Variants in CDC42BPA observed in about 807,000 individuals in gnomAD.
The protein encoded by CDC42BPA is CDC42 binding protein kinase alpha.
A neutral mutation model predicts 223.5 loss-of-function variants in CDC42BPA; 80 were observed. The ratio of observed to expected loss-of-function variants is 0.36; its 90% CI spans 0.30 to 0.43. CDC42BPA has a LOEUF of 0.43. Ranked by LOEUF, CDC42BPA falls within the 20% of genes least tolerant of loss-of-function variation. The pLI is 1.00. For missense variants in CDC42BPA, 1,743 were observed against 2,099.9 expected, an observed-to-expected ratio of 0.83 and a Z score of 3.32; for synonymous variants, 694 against 718.6, an observed-to-expected ratio of 0.97 and a Z score of 0.55.
chr1:227,172,060 G>C (rs1379096884), intron 5 of CDC42BPA, among the ~76,000 whole-genome samples: 2 of 152,068 alleles, frequency 1.3e-5, no homozygotes, highest in African/African-American at 4.8e-5. Context: ...CATAAAAACA[G>C]CATACTGCAT....
intron 23 of CDC42BPA, among the ~76,000 whole-genome samples, chr1:227,046,489 T>C (rs1257976248): frequency 1.3e-5 from 2 of 152,186 alleles, no homozygotes; most frequent in African/African-American, 4.8e-5. Context: ...CACTTCTTTC[T>C]CTCACCAACC....
intron 1 of CDC42BPA, among the ~76,000 whole-genome samples, chr1:227,276,564 G>A (rs528647383): frequency 6.6e-5 from 10 of 152,292 alleles, no homozygotes; most frequent in South Asian, 2.1e-4. Context: ...CCGCCGCCCC[G>A]TCTGGGAGGT....
chr1:227,180,180 T>G (rs922683253), intron 5 of CDC42BPA, among the ~76,000 whole-genome samples: 3 of 152,174 alleles, frequency 2.0e-5, no homozygotes, highest in African/African-American at 7.2e-5. Flanking sequence ...CACTCCAGCC[T>G]GGGTGACAGA....
chr1:227,197,743 T>C (rs2063665), intron 4 of CDC42BPA, among the ~76,000 whole-genome samples: 103,675 of 151,920 alleles, frequency 0.68, 35,604 homozygotes, highest in South Asian at 0.73. Context: ...CAGAATACAC[T>C]GTCATAGTGG....
chr1:227,072,219 C>T lies in CDC42BPA; in HGVS notation c.2816G>A (p.Arg939Lys), dbSNP rs1327008141. 1 of 1,596,450 alleles carries T rather than the reference C, an allele frequency of 6.3e-7. No homozygotes were observed. The highest frequency in any genetic ancestry group is 1.7e-5 in the Admixed American group (1 of 59,590). ...EQLIKDTEELRSEKGIEHQDS... is the reference protein window; with the variant it reads ...EQLIKDTEELKSEKGIEHQDS... ...ACACACTCCCATACCCTTTTCAGATCTAAGCTCTTCAGTGTCCTTTATCAG... is the reference window on the plus strand; with the variant it reads ...ACACACTCCCATACCCTTTTCAGATTTAAGCTCTTCAGTGTCCTTTATCAG... Residue 939 changes from arginine to lysine, a missense_variant, in exon 20 of 37, where the codon AGA (arginine) becomes AAA (lysine). By Grantham distance (26) the Arg-to-Lys change is conservative (BLOSUM62 2). This residue lies in a region of CDC42BPA where 678 missense variants were observed against 777.5 expected (regional missense o/e 0.87). Transcript: ENST00000366766.
chr1:227,223,165 C>G (rs1232002777), intron 2 of CDC42BPA, among the ~76,000 whole-genome samples: 1 of 150,478 alleles, frequency 6.6e-6, no homozygotes, highest in African/African-American at 2.4e-5. Context: ...CTGAGTCTTA[C>G]ACAGTGAACT....
At chr1:227,179,515 A>C (rs1667546697) in intron 5 of CDC42BPA, among the ~76,000 whole-genome samples, 1 of 151,344 alleles carries the variant, frequency 6.6e-6, no homozygotes, top group African/African-American at 2.4e-5. Flanking sequence ...GGGCACCTGT[A>C]GTCCCAGCTA....
At position 227,069,631 on chromosome 1, in the gene CDC42BPA, T is replaced by C. The variant is rs1677866550; in HGVS notation, c.2904+146A>G. 5.4e-6 allele frequency: 3 copies of C among 557,408 alleles called. No individual in the cohort carries two copies. In the East Asian group the frequency reaches 8.9e-5, roughly 16 times the overall value. The allele number at this position is 557,408 out of a possible 1,614,324, so 34.5% of individuals were successfully genotyped here. A position where few individuals can be genotyped will look rare whatever the true frequency, so the allele number is the denominator to read the frequency against. ...GTCTCCATAAGAATGCAGAACATAT[T>C]CCTCTGCTAATATGTTTTTGTTTAT... On this transcript the variant is annotated intron_variant, in intron 21 of 36. Coordinates refer to ENST00000366766, the MANE Select transcript of CDC42BPA (RefSeq NM_001394014.1).
chr1:227,250,222 C>T (rs1376536041), intron 2 of CDC42BPA, among the ~76,000 whole-genome samples: 1 of 152,060 alleles, frequency 6.6e-6, no homozygotes, highest in Non-Finnish European at 1.5e-5. Flanking sequence ...CATGGTGGCT[C>T]ACACCTGTTA....
chr1:227,203,632 A>C (rs959147338), intron 3 of CDC42BPA, among the ~76,000 whole-genome samples: 2 of 152,166 alleles, frequency 1.3e-5, no homozygotes, highest in African/African-American at 4.8e-5. Context: ...TATTAATAAC[A>C]AACATGTAGG....
At chr1:227,023,997 T>C (rs534497524) in intron 31 of CDC42BPA, among the ~76,000 whole-genome samples, 1 of 152,294 alleles carries the variant, frequency 6.6e-6, no homozygotes, top group East Asian at 1.9e-4. Flanking sequence ...GAAAGATACA[T>C]TTAACTACAT....
intron 5 of CDC42BPA, among the ~76,000 whole-genome samples, chr1:227,184,893 G>A (rs186793283): frequency 1.3e-5 from 2 of 152,204 alleles, no homozygotes; most frequent in South Asian, 2.1e-4. Flanking sequence ...ATATGCACCA[G>A]TATTATTAGC....
intron 6 of CDC42BPA, among the ~76,000 whole-genome samples, chr1:227,159,378 T>C (rs962263840): frequency 6.6e-6 from 1 of 151,870 alleles, no homozygotes; most frequent in Non-Finnish European, 1.5e-5. Context: ...CCCAACTACT[T>C]GGGAGGCTGA....
chr1:227,111,926 A>G (rs970535484), intron 14 of CDC42BPA: 1 of 159,114 alleles, frequency 6.3e-6, no homozygotes, highest in African/African-American at 2.4e-5. Flanking sequence ...GACTATGCCC[A>G]TTATCATCTT....
chr1:227,082,973 A>G (rs1681030048), intron 16 of CDC42BPA, among the ~76,000 whole-genome samples: 1 of 151,982 alleles, frequency 6.6e-6, no homozygotes, highest in Admixed American at 6.6e-5. Flanking sequence ...TGCTTTTAGA[A>G]TTTTATGTTG....
intron 1 of CDC42BPA, among the ~76,000 whole-genome samples, chr1:227,287,927 T>TA (rs1470875565): frequency 6.6e-6 from 1 of 152,186 alleles, no homozygotes; most frequent in Non-Finnish European, 1.5e-5. Flanking sequence ...TAAAATTCAT[T>TA]ACTGAGGGGA....
At chr1:227,221,225 T>G (rs1378496846) in intron 2 of CDC42BPA, among the ~76,000 whole-genome samples, 1 of 152,192 alleles carries the variant, frequency 6.6e-6, no homozygotes, top group Admixed American at 6.5e-5. Flanking sequence ...TGTTAAATAT[T>G]GTTCCCCAAG....
At chr1:227,072,381 T>C in intron 19 of CDC42BPA, 82 bp from the exon 20 acceptor site, 1 of 756,546 alleles carries the variant, frequency 1.3e-6, no homozygotes. Context: ...CCAAACTTAC[T>C]TGGTTTAAAT....
rs759283820 is a variant in CDC42BPA at position 227,092,097 on chromosome 1, C to G, written c.2250-106G>C. 1.6e-5 allele frequency: 10 copies of G among 622,472 alleles called. No homozygotes were observed. The African/African-American group carries it at 1.7e-4, about 10-fold the overall frequency. 38.6% of individuals were successfully genotyped at this position (622,472 alleles called of 1,614,324 possible). On this transcript the variant is annotated intron_variant, in intron 15 of 36. Transcript: ENST00000366766. Reference sequence around the variant, plus strand: ...ATAAAACACAAAATATCAGATTGAACTGCAGAAATGTTGTCCCCATAGAAT... The same window carrying G: ...ATAAAACACAAAATATCAGATTGAAGTGCAGAAATGTTGTCCCCATAGAAT...
Sources: gnomAD v4.1 joint callset for allele counts (sites outside exome capture counted in the v4.1 genomes callset) on GRCh38, gnomAD v4.1.1 for gene constraint, gnomAD v4.1.1 regional missense constraint, MANE v1.5 for transcripts, NCBI Gene and HGNC (gene_info 2026-07-23, HGNC 2026-07-21) for gene names.